Variants in SGCD observed in about 807,000 individuals in gnomAD.
The protein encoded by SGCD is delta-sarcoglycan.
A neutral mutation model predicts 36.6 loss-of-function variants in SGCD; 18 were observed. The ratio of observed to expected loss-of-function variants is 0.49; its 90% CI spans 0.34 to 0.73. The LOEUF (loss-of-function observed/expected upper bound fraction) is 0.73. Among genes scored for constraint, SGCD ranks in the 30% least tolerant of loss-of-function variants. The probability of loss-of-function intolerance (pLI) is 0.01; values close to 1 mark genes in which losing one functional copy is unlikely to be tolerated. For synonymous variants in SGCD, 133 were observed against 130.6 expected (o/e 1.02, Z -0.12); for missense variants, 387 against 346.7 (o/e 1.12, Z -0.92).
Position 155,947,669 on chromosome 5 carries a change from C to A in SGCD, c.-282+77245C>A. Among the ~76,000 whole-genome samples the A allele has an allele frequency of 2.0e-5, 3 of 152,092 alleles. No homozygotes were observed. In the South Asian group the frequency reaches 6.2e-4, roughly 32 times the overall value. On this transcript the variant is annotated intron_variant, in intron 1 of 9. Transcript: ENST00000517913. ...CATCCTAAAGAAGTACTTTTGAAAA[C>A]GATTGCAATCAAGGTAAGTTAAAGA...
intron 7 of SGCD, among the ~76,000 whole-genome samples, chr5:156,716,688 A>T (rs1276745027): frequency 2.0e-5 from 3 of 152,186 alleles, no homozygotes; most frequent in Admixed American, 2.0e-4. Flanking sequence ...TAATGCACAG[A>T]AGGATTAGAA....
chr5:156,215,089 T>C (rs1339124835), intron 3 of SGCD, among the ~76,000 whole-genome samples: 2 of 152,098 alleles, frequency 1.3e-5, no homozygotes, highest in South Asian at 2.1e-4. Flanking sequence ...GAAATGCTCA[T>C]TGGAATATTT....
chr5:156,352,370 A>G (rs1769302911), intron 3 of SGCD, among the ~76,000 whole-genome samples: 1 of 152,190 alleles, frequency 6.6e-6, no homozygotes, highest in African/African-American at 2.4e-5. Context: ...TGAGCACCCC[A>G]GCTGCTCTGG....
At chr5:155,848,257 G>C in the SGCD span, among the ~76,000 whole-genome samples, 1 of 152,120 alleles carries the variant, frequency 6.6e-6, no homozygotes, top group Non-Finnish European at 1.5e-5. Flanking sequence ...TGAGGGAATT[G>C]AGTGAGCCTT....
chr5:155,843,978 C>A, the SGCD span, among the ~76,000 whole-genome samples: 1 of 152,178 alleles, frequency 6.6e-6, no homozygotes, highest in East Asian at 1.9e-4. Flanking sequence ...TCCAAAAGAT[C>A]TGGATTAATA....
chr5:156,429,128 G>T (rs961873354), intron 3 of SGCD, among the ~76,000 whole-genome samples: 2 of 151,894 alleles, frequency 1.3e-5, no homozygotes, highest in African/African-American at 4.8e-5. Context: ...TTATGTTGCT[G>T]TCTATCTCAT....
intron 6 of SGCD, among the ~76,000 whole-genome samples, chr5:156,633,822 G>A (rs1561828479): frequency 6.6e-6 from 1 of 152,120 alleles, no homozygotes; most frequent in Non-Finnish European, 1.5e-5. Flanking sequence ...GCTGCTCTTT[G>A]GTCAGTTAAG....
At chr5:156,430,422 T>C (rs992452371) in intron 3 of SGCD, among the ~76,000 whole-genome samples, 3 of 152,098 alleles carry the variant, frequency 2.0e-5, no homozygotes, top group Non-Finnish European at 4.4e-5. Flanking sequence ...TTTTTTAAGT[T>C]GGTTTATCCC....
intron 3 of SGCD, among the ~76,000 whole-genome samples, chr5:156,306,924 A>G (rs1391343832): frequency 1.3e-5 from 2 of 152,252 alleles, no homozygotes; most frequent in Non-Finnish European, 2.9e-5. Context: ...AACTTTTATT[A>G]ATATATAATG....
chr5:156,685,464 C>T (rs935399774), intron 7 of SGCD, among the ~76,000 whole-genome samples: 7 of 152,106 alleles, frequency 4.6e-5, no homozygotes, highest in Non-Finnish European at 1.0e-4. Context: ...TTAGAAGTTT[C>T]CCAAACATTA....
intron 3 of SGCD, among the ~76,000 whole-genome samples, chr5:156,275,667 G>C (rs1015571812): frequency 2.0e-5 from 3 of 152,174 alleles, no homozygotes; most frequent in Admixed American, 1.3e-4. Flanking sequence ...AGGATTAGGA[G>C]AGACAAAATG....
rs148562820 is a variant in SGCD at position 156,043,245 on chromosome 5, G to T, written c.-281-74633G>T. Among the ~76,000 whole-genome samples, 283 of 152,244 alleles carry T rather than the reference G, an allele frequency of 1.9e-3. 1 individual carries two copies. Among genetic ancestry groups the T allele is most frequent in the African/African-American group, 6.4e-3 (266 of 41,552 alleles). On this transcript the variant is annotated intron_variant, in intron 1 of 9. Coordinates refer to the SGCD transcript ENST00000517913. ...GTTGCTAAATGCATCCTTAGAGCATGGAACAGAGCCACCTTGTTGCTAAGA... is the reference window on the plus strand; with the variant it reads ...GTTGCTAAATGCATCCTTAGAGCATTGAACAGAGCCACCTTGTTGCTAAGA...
intron 7 of SGCD, among the ~76,000 whole-genome samples, chr5:156,692,384 C>A (rs1754149173): frequency 6.6e-6 from 1 of 152,184 alleles, no homozygotes; most frequent in Non-Finnish European, 1.5e-5. Context: ...ATCTGCCATT[C>A]CTGCATCAGC....
At chr5:156,215,627 G>T (rs1274005963) in intron 3 of SGCD, among the ~76,000 whole-genome samples, 2 of 152,084 alleles carry the variant, frequency 1.3e-5, no homozygotes, top group Non-Finnish European at 2.9e-5. Flanking sequence ...AAACAACAAT[G>T]AGATATCACC....
chr5:155,861,429 A>G, the SGCD span, among the ~76,000 whole-genome samples: 1 of 151,770 alleles, frequency 6.6e-6, no homozygotes, highest in Non-Finnish European at 1.5e-5. Context: ...CTGACTGGAC[A>G]CGGTGGCTCA....
At chr5:156,691,247 T>C (rs756442691) in intron 7 of SGCD, among the ~76,000 whole-genome samples, 9 of 135,992 alleles carry the variant, frequency 6.6e-5, no homozygotes, top group Non-Finnish European at 1.1e-4. Context: ...CAAACTTCCA[T>C]TATAGACAAA....
chr5:156,529,301 G>A (rs555129658), intron 4 of SGCD, among the ~76,000 whole-genome samples: 12 of 151,604 alleles, frequency 7.9e-5, no homozygotes, highest in South Asian at 4.2e-4. Flanking sequence ...GGTGTGTGCC[G>A]GTAGTCCCAG....
At chr5:155,812,767 G>A in the SGCD span, among the ~76,000 whole-genome samples, 1 of 152,106 alleles carries the variant, frequency 6.6e-6, no homozygotes, top group African/African-American at 2.4e-5. Context: ...TTATTTGGGG[G>A]TATTCACAAA....
At chr5:156,610,411 C>T (rs1232319543) in intron 6 of SGCD, among the ~76,000 whole-genome samples, 2 of 152,128 alleles carry the variant, frequency 1.3e-5, no homozygotes, top group Admixed American at 1.3e-4. Context: ...GATCTTTTGT[C>T]TCAAAGGAGT....
Sources: allele counts gnomAD v4.1 joint callset (sites outside exome capture counted in the v4.1 genomes callset), GRCh38; gene constraint gnomAD v4.1.1; transcripts MANE v1.5; gene names NCBI Gene and HGNC (gene_info 2026-07-23, HGNC 2026-07-21).